Variants in IGSF22 observed in about 807,000 individuals in gnomAD.
The protein encoded by IGSF22 is immunoglobulin superfamily member 22.
A neutral mutation model predicts 127.0 loss-of-function variants in IGSF22; 119 were observed. The ratio of observed to expected loss-of-function variants is 0.94; its 90% CI spans 0.81 to 1.09. The LOEUF is 1.09. IGSF22 is among the 50% of genes least tolerant of loss of function. The probability of loss-of-function intolerance (pLI) is 0.00; values close to 1 mark genes in which losing one functional copy is unlikely to be tolerated. For synonymous variants in IGSF22, 568 were observed against 664.7 expected (o/e 0.85, Z 2.24); for missense variants, 1,518 against 1,716.6 (o/e 0.88, Z 2.04).
At chr11:18,714,862 G>T (rs1848431202) in intron 11 of IGSF22, among the ~76,000 whole-genome samples, 1 of 152,184 alleles carries the variant, frequency 6.6e-6, no homozygotes, top group Admixed American at 6.5e-5. Context: ...TTGGGAAATG[G>T]TGACCAGGAA....
chr11:18,722,921 TC>T (rs1442022992), intron 2 of IGSF22, among the ~76,000 whole-genome samples: 8 of 152,242 alleles, frequency 5.3e-5, no homozygotes, highest in African/African-American at 1.9e-4. Flanking sequence ...CCTGCAGATG[TC>T]TTTTATGTGA....
At position 18,716,314 on chromosome 11, in the gene IGSF22, A is replaced by T. The variant is rs562043286; in HGVS notation, c.1246+414T>A. Among the ~76,000 whole-genome samples, 1 of 152,308 alleles carries T rather than the reference A, an allele frequency of 6.6e-6. No individual in the cohort carries two copies. The highest frequency in any genetic ancestry group is 2.1e-4 in the South Asian group (1 of 4,830). On this transcript the variant is annotated intron_variant, in intron 10 of 22. Transcript: ENST00000513874. This position sits in a 1 kb window ranked among gnomAD's most constrained non-coding sequence, Gnocchi z 4.5. ...GATGATTCCATGTGATATAGATTCCAGGTGCGGTTCAGATGTGTGACATGC... is the reference window on the plus strand; with the variant it reads ...GATGATTCCATGTGATATAGATTCCTGGTGCGGTTCAGATGTGTGACATGC...
chr11:18,707,772 G>A (rs1439024210), intron 20 of IGSF22, 32 bp downstream of exon 20: 1 of 1,533,920 alleles, frequency 6.5e-7, no homozygotes, highest in Non-Finnish European at 8.8e-7. Context: ...GTACAGGGAT[G>A]GGTCTTGGAG....
At position 18,708,289 on chromosome 11, in the gene IGSF22, G is replaced by T. The variant is rs751310454; in HGVS notation, c.3005C>A (p.Pro1002His). The change falls in exon 19 of 23, where the codon CCC (proline) becomes CAC (histidine). Residue 1002 changes from proline (P) to histidine (H), a missense_variant. By Grantham distance (77) the Pro-to-His change is moderately conservative. Around this residue, in one of 3 missense-constraint regions of IGSF22, gnomAD observed 1,456 missense variants for 1,644.9 expected, o/e 0.89. Transcript: ENST00000513874. Reference sequence around the variant, plus strand: ...CAGCCGGGCACTGAGGTCAAACTTGGGTGCAGCTGAGATGGAGGAGACAGA... The same window carrying T: ...CAGCCGGGCACTGAGGTCAAACTTGTGTGCAGCTGAGATGGAGGAGACAGA... ...GVRAMPPPAA[P>H]KFDLSARLKS... The T allele has an allele frequency of 8.4e-6, 13 of 1,545,486 alleles. No homozygotes were observed. In the Admixed American group the frequency reaches 2.6e-4, roughly 31 times the overall value.
Position 18,715,678 on chromosome 11 carries a change from G to A in IGSF22, c.1285C>T (p.Arg429Cys), listed in dbSNP as rs1447268093. The A allele has an allele frequency of 4.3e-6, 7 of 1,613,012 alleles. No individual in the cohort carries two copies. In the East Asian group the frequency reaches 6.7e-5, roughly 15 times the overall value. Residue 429 changes from arginine to cysteine, a missense_variant, in exon 11 of 23, where the codon CGT becomes TGT. This residue lies in a region of IGSF22 where 1,456 missense variants were observed against 1,644.9 expected (regional missense o/e 0.89). Coordinates refer to ENST00000513874, the MANE Select transcript of IGSF22 (RefSeq NM_173588.4). ...IKFVSNLKNV[R>C]VKERSRACLE... Reference sequence around the variant, plus strand: ...CATGCGCGACTCCTCTCTTTCACACGTACATTTTTGAGGTTGCTCACAAAC... The same window carrying A: ...CATGCGCGACTCCTCTCTTTCACACATACATTTTTGAGGTTGCTCACAAAC...
intron 11 of IGSF22, 86 bp downstream of exon 11, chr11:18,715,346 G>A: frequency 1.4e-6 from 2 of 1,405,682 alleles, no homozygotes; most frequent in East Asian, 4.6e-5. Flanking sequence ...GTTGGAGTTA[G>A]TGGGAGGGGG....
intron 2 of IGSF22, among the ~76,000 whole-genome samples, chr11:18,722,616 G>T (rs368511843): frequency 0.14 from 8,785 of 64,024 alleles, 332 homozygotes; most frequent in Non-Finnish European, 0.2. Flanking sequence ...TTTTATATTT[G>T]GAAAACAAAA....
At chr11:18,706,699 C>T (rs1846431679) in intron 21 of IGSF22, 1 of 505,608 alleles carries the variant, frequency 2.0e-6, no homozygotes, top group African/African-American at 1.9e-5. Context: ...CCTCTCTGCC[C>T]CCAAAGGTAC....
Position 18,721,995 on chromosome 11 carries a change from G to C in IGSF22, c.156C>G (p.Ser52Arg). The change falls in exon 3 of 23, where the codon AGC becomes AGG. Residue 52 changes from serine to arginine, a missense_variant. Around this residue, in one of 3 missense-constraint regions of IGSF22, gnomAD observed 1,456 missense variants for 1,644.9 expected, o/e 0.89. Coordinates refer to ENST00000513874, the MANE Select transcript of IGSF22 (RefSeq NM_173588.4). The part of the protein sequence containing the change: ...RKSSSIVEFF[S>R]LVTRSSNIPA... ...GGATGTTTGAGCTCCGGGTCACTAA[G>C]CTGAAGAACTCCACTATGCTCGAGG... The C allele has an allele frequency of 6.2e-7, 1 of 1,614,072 alleles. No homozygotes were observed. Among genetic ancestry groups the C allele is most frequent in the East Asian group, 2.2e-5 (1 of 44,868 alleles).
chr11:18,720,444 A>C (rs1848550624), intron 4 of IGSF22, among the ~76,000 whole-genome samples, 159 bp from the exon 5 acceptor site: 1 of 151,972 alleles, frequency 6.6e-6, no homozygotes. Context: ...ATTTGGAGGT[A>C]CCAGCTAGCA....
chr11:18,704,583 A>G (rs1372133014), intron 22 of IGSF22, 45 bp from the exon 23 acceptor site: 1 of 1,256,970 alleles, frequency 8.0e-7, no homozygotes, highest in Non-Finnish European at 1.1e-6. Context: ...GATGCTGGCG[A>G]CCAGGGAAAT....
intron 22 of IGSF22, 75 bp downstream of exon 22, chr11:18,705,742 G>A: frequency 1.5e-6 from 2 of 1,339,100 alleles, no homozygotes; most frequent in Non-Finnish European, 2.0e-6. Context: ...CAGCCAAATA[G>A]TTGACCAATG....
chr11:18,707,633 C>A (rs963096747), intron 20 of IGSF22, among the ~76,000 whole-genome samples, 171 bp downstream of exon 20: 1 of 152,214 alleles, frequency 6.6e-6, no homozygotes, highest in African/African-American at 2.4e-5. Context: ...CATTTCTACT[C>A]TCTCTGCCGA....
chr11:18,716,904 T>G lies in IGSF22; in HGVS notation c.1070A>C (p.Asn357Thr), dbSNP rs377741662. Residue 357 changes from asparagine to threonine, a missense_variant, in exon 10 of 23, where the codon AAC (asparagine) becomes ACC (threonine). Around this residue, in one of 3 missense-constraint regions of IGSF22, gnomAD observed 1,456 missense variants for 1,644.9 expected, o/e 0.89. Transcript: ENST00000513874. The surrounding 1 kb of genome is among the most constrained non-coding windows in gnomAD (Gnocchi z 4.5). ...FEIRLSKKEP[N>T]FVWKFNGKEL... ...CTTCCCATTGAACTTCCACACAAAG[T>G]TGGGCTCTTTCTTGGAGAGGCGGAT... is the stretch of plus-strand genomic sequence containing the variant. 6.2e-7 allele frequency: 1 copy of G among 1,614,226 alleles called. No individual in the cohort carries two copies. The highest frequency in any genetic ancestry group is 8.5e-7 in the Non-Finnish European group (1 of 1,180,046).
intron 19 of IGSF22, 98 bp downstream of exon 19, chr11:18,708,109 G>A (rs1848280989): frequency 3.3e-6 from 5 of 1,528,960 alleles, no homozygotes; most frequent in Non-Finnish European, 4.5e-6. Flanking sequence ...GGTCTGGTGA[G>A]GGGCAGAGTC....
intron 18 of IGSF22, 49 bp from the exon 19 acceptor site, chr11:18,708,344 G>C (rs767997159): frequency 1.3e-5 from 18 of 1,439,698 alleles, no homozygotes; most frequent in Non-Finnish European, 1.6e-5. Context: ...CTTTCAAGAA[G>C]ACTCTGCTTT....
rs529064544 is a variant in IGSF22, at chr11:18,716,710, T to G, written c.1246+18A>C. ...GTGCCATAAAGCCCACCCCTTAGGC[T>G]CTTGCCCAACCACTCACGGTCAACA... On this transcript the variant is annotated intron_variant, in intron 10 of 22. Transcript: ENST00000513874. This position sits in a 1 kb window ranked among gnomAD's most constrained non-coding sequence, Gnocchi z 4.5. The G allele has an allele frequency of 6.2e-7, 1 of 1,611,042 alleles. No homozygotes were observed. Among genetic ancestry groups the G allele is most frequent in the Admixed American group, 1.7e-5 (1 of 59,998 alleles).
In IGSF22 at chr11:18,721,527, C is replaced by T. The variant is rs1476057834; in HGVS notation, c.378+8G>A. The T allele has an allele frequency of 2.5e-6, 4 of 1,614,208 alleles. No homozygotes were observed. Among genetic ancestry groups the T allele is most frequent in the Non-Finnish European group, 3.4e-6 (4 of 1,180,040 alleles). ...CTCGGTAACTGGACTTGGGCTTGGC[C>T]CCCGCACCTTCAGCACGTGTTCCTT... On this transcript the variant is annotated splice_region_variant and intron_variant, in intron 4 of 22. Coordinates refer to ENST00000513874, the MANE Select transcript of IGSF22 (RefSeq NM_173588.4).
chr11:18,707,063 G>A lies in IGSF22; in HGVS notation c.3431C>T (p.Thr1144Met), dbSNP rs1189163958. ...GTTGCTGAAGACACGCTCGGCTGCC[G>A]TGTACCAGGTGGCTGTGCTTGCATC... ...KRDASTATWY[T>M]AAERVFSNKY... The change falls in exon 21 of 23, where the codon ACG becomes ATG. Residue 1144 changes from threonine (T) to methionine (M), a missense_variant. This residue lies in a region of IGSF22 where 1,456 missense variants were observed against 1,644.9 expected (regional missense o/e 0.89). Transcript: ENST00000513874. 2 of 1,551,696 alleles carry A rather than the reference G, an allele frequency of 1.3e-6. No homozygotes were observed. The highest frequency in any genetic ancestry group is 2.0e-5 in the Admixed American group (1 of 51,012).
Sources: allele counts gnomAD v4.1 joint callset (sites outside exome capture counted in the v4.1 genomes callset), GRCh38; gene constraint gnomAD v4.1.1; regional missense constraint gnomAD v4.1.1; non-coding constraint Gnocchi (gnomAD v3.1); transcripts MANE v1.5; gene names NCBI Gene and HGNC (gene_info 2026-07-23, HGNC 2026-07-21).